Variants in KCNIP4 observed in about 807,000 individuals in gnomAD.
The protein encoded by KCNIP4 is potassium voltage-gated channel interacting protein 4.
In KCNIP4, 12 loss-of-function variants were observed where a neutral mutation model predicts 34.0. The ratio of observed to expected loss-of-function variants is 0.35; its 90% CI spans 0.23 to 0.57. The LOEUF (loss-of-function observed/expected upper bound fraction) is 0.57, where lower values mean the gene tolerates loss of function less well. KCNIP4 is among the 20% of genes least tolerant of loss of function. The probability of loss-of-function intolerance (pLI) is 0.83; values close to 1 mark genes in which losing one functional copy is unlikely to be tolerated. For synonymous variants in KCNIP4, 124 were observed against 102.2 expected, an observed-to-expected ratio of 1.21 and a Z score of -1.29; for missense variants, 238 against 311.7, an observed-to-expected ratio of 0.76 and a Z score of 1.78.
At chr4:21,523,299 G>C (rs1292105846) in intron 1 of KCNIP4, among the ~76,000 whole-genome samples, 1 of 152,020 alleles carries the variant, frequency 6.6e-6, no homozygotes, top group Non-Finnish European at 1.5e-5. Flanking sequence ...TGCTAGATGA[G>C]GTGATTAATT....
chr4:20,858,317 G>T (rs67035878), intron 2 of KCNIP4, among the ~76,000 whole-genome samples: 37,073 of 151,140 alleles, frequency 0.25, 5,214 homozygotes, highest in African/African-American at 0.39. Flanking sequence ...GCTCACAGCT[G>T]GTACCTTGAC....
intron 1 of KCNIP4, among the ~76,000 whole-genome samples, chr4:21,752,501 C>G (rs1324738105): frequency 6.6e-6 from 1 of 152,124 alleles, no homozygotes; most frequent in African/African-American, 2.4e-5. Flanking sequence ...CACCAGGTCT[C>G]TCCCTCAACA....
intron 1 of KCNIP4, among the ~76,000 whole-genome samples, chr4:21,158,732 T>C (rs1753348247): frequency 1.3e-5 from 2 of 152,114 alleles, no homozygotes; most frequent in Non-Finnish European, 2.9e-5. Flanking sequence ...ATCATGATTA[T>C]GAGAAGTTAT....
intron 1 of KCNIP4, among the ~76,000 whole-genome samples, chr4:21,446,411 T>C (rs1385049744): frequency 6.6e-6 from 1 of 152,006 alleles, no homozygotes; most frequent in Non-Finnish European, 1.5e-5. Flanking sequence ...TAAGAAAATG[T>C]GGCACATATA....
chr4:21,507,333 T>C (rs6849960), intron 1 of KCNIP4, among the ~76,000 whole-genome samples: 11,656 of 151,416 alleles, frequency 0.077, 1,409 homozygotes, highest in African/African-American at 0.26. Context: ...GGCTCGATCT[T>C]GGCTCACTGC....
At chr4:20,878,598 C>T (rs1724323022) in intron 2 of KCNIP4, among the ~76,000 whole-genome samples, 1 of 152,132 alleles carries the variant, frequency 6.6e-6, no homozygotes, top group Non-Finnish European at 1.5e-5. Flanking sequence ...AACTGTGTTC[C>T]ACTCTTCACT....
chr4:20,772,684 C>T (rs1242557347), intron 3 of KCNIP4, among the ~76,000 whole-genome samples: 1 of 151,844 alleles, frequency 6.6e-6, no homozygotes, highest in Non-Finnish European at 1.5e-5. Context: ...TCTTGTCTCC[C>T]AGGCTGGAAT....
intron 1 of KCNIP4, among the ~76,000 whole-genome samples, chr4:21,520,089 C>T (rs1018832950): frequency 6.6e-6 from 1 of 151,782 alleles, no homozygotes; most frequent in Non-Finnish European, 1.5e-5. Context: ...TCTCCTTTCA[C>T]GTTTTTCGGC....
At chr4:20,892,570 C>T (rs369106910) in intron 1 of KCNIP4, among the ~76,000 whole-genome samples, 5 of 152,102 alleles carry the variant, frequency 3.3e-5, no homozygotes, top group African/African-American at 4.8e-5. Flanking sequence ...GTCTCTACCC[C>T]GACTCAGTCT....
chr4:21,144,969 C>T (rs1312419487), intron 1 of KCNIP4, among the ~76,000 whole-genome samples: 1 of 126,124 alleles, frequency 7.9e-6, no homozygotes, highest in African/African-American at 3.1e-5. Context: ...TTTAGAGGGC[C>T]ATCTTTAGGG....
At chr4:21,310,048 G>C (rs1712975891) in intron 1 of KCNIP4, among the ~76,000 whole-genome samples, 2 of 151,938 alleles carry the variant, frequency 1.3e-5, no homozygotes, top group African/African-American at 2.4e-5. Context: ...TGGTTTTTTT[G>C]AGACAAGGCC....
chr4:21,381,145 G>A (rs910579398), intron 1 of KCNIP4, among the ~76,000 whole-genome samples: 13 of 152,098 alleles, frequency 8.5e-5, no homozygotes, highest in African/African-American at 2.9e-4. Context: ...ACTAAATGTC[G>A]GTGTGAGAGA....
chr4:21,696,378 CACATCATCCTT>C (rs1446543903), intron 1 of KCNIP4, among the ~76,000 whole-genome samples: 2 of 152,118 alleles, frequency 1.3e-5, no homozygotes, highest in Non-Finnish European at 2.9e-5. Context: ...TCATAAATGG[CACATCATCCTT>C]ACATCATCCT....
At chr4:21,076,755 C>T (rs1293483104) in intron 1 of KCNIP4, among the ~76,000 whole-genome samples, 3 of 152,080 alleles carry the variant, frequency 2.0e-5, no homozygotes, top group Non-Finnish European at 1.5e-5. Flanking sequence ...AAGGGCCATC[C>T]ATCCTAAACA....
chr4:20,987,601 C>T (rs1259635871), intron 1 of KCNIP4, among the ~76,000 whole-genome samples: 1 of 152,146 alleles, frequency 6.6e-6, no homozygotes, highest in Non-Finnish European at 1.5e-5. Flanking sequence ...CACAAAATTA[C>T]ATTCAACAAG....
intron 1 of KCNIP4, among the ~76,000 whole-genome samples, chr4:21,155,535 G>T (rs1389495482): frequency 6.6e-6 from 1 of 152,098 alleles, no homozygotes; most frequent in African/African-American, 2.4e-5. Context: ...GGAGTGAGGA[G>T]GAGCAGTTTG....
intron 4 of KCNIP4, 32 bp downstream of exon 4, chr4:20,758,789 T>C (rs370821396): frequency 5.9e-6 from 9 of 1,525,998 alleles, no homozygotes; most frequent in South Asian, 1.1e-5. Flanking sequence ...GTAACTCTGA[T>C]AGTATGTTAA....
chr4:21,789,756 T>C (rs192651076), intron 1 of KCNIP4, among the ~76,000 whole-genome samples: 1 of 152,286 alleles, frequency 6.6e-6, no homozygotes, highest in Admixed American at 6.5e-5. Flanking sequence ...AGACAAGATA[T>C]TTGTGCTTGC....
chr4:20,912,917 A>T (rs1216251734), intron 1 of KCNIP4, among the ~76,000 whole-genome samples: 2 of 152,234 alleles, frequency 1.3e-5, no homozygotes. Context: ...TAGAACTCTC[A>T]TTACTGCTGG....
Sources: gnomAD v4.1 joint callset for allele counts (sites outside exome capture counted in the v4.1 genomes callset) on GRCh38, gnomAD v4.1.1 for gene constraint, MANE v1.5 for transcripts, NCBI Gene and HGNC (gene_info 2026-07-23, HGNC 2026-07-21) for gene names.